KDM6A: variants seen among roughly 807,000 people sequenced by gnomAD.
KDM6A encodes the protein lysine-specific demethylase 6A.
In KDM6A, 11 loss-of-function variants were observed where a neutral mutation model predicts 117.6. The ratio of observed to expected loss-of-function variants is 0.09; its 90% CI spans 0.06 to 0.15. The LOEUF (loss-of-function observed/expected upper bound fraction) is 0.15, where lower values mean the gene tolerates loss of function less well. Ranked by LOEUF, KDM6A falls within the 10% of genes least tolerant of loss-of-function variation. The probability of loss-of-function intolerance (pLI) is 1.00; values close to 1 mark genes in which losing one functional copy is unlikely to be tolerated. For missense variants in KDM6A, 799 were observed against 1,077.3 expected (o/e 0.74, Z 3.62); for synonymous variants, 384 against 396.1 (o/e 0.97, Z 0.36).
At chrX:45,105,074 G>A (rs1316517540) in intron 27 of KDM6A, among the ~76,000 whole-genome samples, 1 of 111,734 alleles carries the variant, frequency 8.9e-6, no homozygotes, top group Non-Finnish European at 1.9e-5. Context: ...AAGGCTCTGT[G>A]TTTGGAAAAA....
rs748864581 is a variant in KDM6A at position 44,920,442 on chromosome X, TA to T, written c.226-40841del. 7.4e-3 allele frequency among the ~76,000 whole-genome samples: 805 copies of T among 108,433 alleles called. 4 individuals are homozygous for T. The highest frequency in any genetic ancestry group is 0.011 in the Non-Finnish European group (583 of 52,471). The allele number at this position is 108,433 out of a possible 115,157, so 94.2% of individuals were successfully genotyped here. On this transcript the variant is annotated intron_variant, in intron 2 of 29. Transcript: ENST00000611820. ...ATAATATATCTTTTTACTTTTATTT[TA>T]TTTTTTTTTTTTTGAGACGGAGTCT...
intron 3 of KDM6A, among the ~76,000 whole-genome samples, chrX:44,969,518 C>T (rs904039147): frequency 1.9e-5 from 2 of 103,708 alleles, no homozygotes; most frequent in Admixed American, 1.1e-4. Context: ...CCCGGGTTCA[C>T]GCCATTCTCC....
intron 2 of KDM6A, among the ~76,000 whole-genome samples, chrX:44,900,565 G>A (rs987525610): frequency 1.2e-4 from 13 of 111,764 alleles, no homozygotes; most frequent in Non-Finnish European, 2.4e-4. Context: ...TTCAATAATA[G>A]GGAGTTTCTC....
At chrX:44,988,277 C>G (rs896106111) in intron 4 of KDM6A, among the ~76,000 whole-genome samples, 4 of 111,409 alleles carry the variant, frequency 3.6e-5, no homozygotes, top group Non-Finnish European at 7.5e-5. Context: ...TTAAGGACTG[C>G]TCTGCATTGG....
At chrX:44,894,998 C>G (rs963535165) in intron 2 of KDM6A, among the ~76,000 whole-genome samples, 2 of 111,029 alleles carry the variant, frequency 1.8e-5, no homozygotes, top group African/African-American at 3.3e-5. Flanking sequence ...AACTCCTGAC[C>G]TCTGGTGATC....
At chrX:44,875,873 T>C (rs940611431) in intron 2 of KDM6A, among the ~76,000 whole-genome samples, 1 of 112,176 alleles carries the variant, frequency 8.9e-6, no homozygotes, top group Middle Eastern at 4.7e-3. Flanking sequence ...CATATTCATA[T>C]AGATTCACTG....
chrX:45,007,152 A>G (rs965596817), intron 4 of KDM6A, among the ~76,000 whole-genome samples: 4 of 111,656 alleles, frequency 3.6e-5, no homozygotes, highest in Non-Finnish European at 5.6e-5. Flanking sequence ...CCGGAGAGCC[A>G]AAGAATGACA....
chrX:44,896,264 A>G (rs914114407), intron 2 of KDM6A, among the ~76,000 whole-genome samples: 1 of 109,447 alleles, frequency 9.1e-6, no homozygotes, highest in Non-Finnish European at 1.9e-5. Context: ...TTTTTAGTAG[A>G]GACGGGGTTT....
chrX:45,006,063 G>A (rs1193550314), intron 4 of KDM6A, among the ~76,000 whole-genome samples: 1 of 92,926 alleles, frequency 1.1e-5, no homozygotes, highest in Non-Finnish European at 2.1e-5. Context: ...ATACTTTACC[G>A]GCTCCTGTGG....
intron 2 of KDM6A, among the ~76,000 whole-genome samples, chrX:44,894,624 T>A (rs1382638871): frequency 3.0e-5 from 3 of 101,672 alleles, no homozygotes; most frequent in Admixed American, 1.0e-4. Context: ...TTAATTAATT[T>A]TTTTTTTTTT....
intron 27 of KDM6A, among the ~76,000 whole-genome samples, chrX:45,103,517 A>G (rs1194834965): frequency 1.8e-5 from 2 of 111,895 alleles, no homozygotes; most frequent in Non-Finnish European, 3.8e-5. Context: ...GTCCTCATGT[A>G]TTGATTTATG....
At chrX:44,990,473 C>G (rs1012451034) in intron 4 of KDM6A, among the ~76,000 whole-genome samples, 87 of 109,926 alleles carry the variant, frequency 7.9e-4, no homozygotes, top group Non-Finnish European at 1.5e-3. Context: ...TCGCTTGAAC[C>G]CTGGAGGTGG....
rs1023501817 is a variant in KDM6A, at chrX:45,006,544, C to T, written c.385-4417C>T. Among the ~76,000 whole-genome samples the T allele has an allele frequency of 2.1e-4, 23 of 109,911 alleles. 1 individual carries two copies. Among genetic ancestry groups the T allele is most frequent in the African/African-American group, 6.3e-4 (19 of 29,995 alleles). ...ATTCCCCTCTTGGCTAGGGTTAGACCGCCCAGGCTAAACTAATTCCAATTG... is the reference window on the plus strand; with the variant it reads ...ATTCCCCTCTTGGCTAGGGTTAGACTGCCCAGGCTAAACTAATTCCAATTG... On this transcript the variant is annotated intron_variant, in intron 4 of 29. Transcript: ENST00000611820.
intron 27 of KDM6A, among the ~76,000 whole-genome samples, chrX:45,104,400 C>G (rs1428161653): frequency 8.9e-6 from 1 of 112,664 alleles, no homozygotes; most frequent in Non-Finnish European, 1.9e-5. Context: ...AAATGAGAAT[C>G]CTGATTTTGT....
At chrX:45,059,558 G>A in intron 12 of KDM6A, 92 bp downstream of exon 12, 1 of 600,089 alleles carries the variant, frequency 1.7e-6, no homozygotes. Context: ...GTCTAGTTGT[G>A]TTTTGATGTC....
chrX:44,877,009 G>A (rs1238280274), intron 2 of KDM6A, among the ~76,000 whole-genome samples: 1 of 111,494 alleles, frequency 9.0e-6, no homozygotes, highest in Non-Finnish European at 1.9e-5. Flanking sequence ...ATATACACAC[G>A]TATACGTGTA....
intron 2 of KDM6A, among the ~76,000 whole-genome samples, chrX:44,932,331 C>CA (rs1415053583): frequency 2.8e-5 from 3 of 108,472 alleles, no homozygotes; most frequent in African/African-American, 1.0e-4. Flanking sequence ...GGCCGGTCTT[C>CA]AACTCCTGAC....
chrX:45,111,263 C>T, intron 29 of KDM6A, 119 bp from the exon 30 acceptor site: 1 of 565,660 alleles, frequency 1.8e-6, no homozygotes, highest in Non-Finnish European at 3.1e-6. Flanking sequence ...TGTTGCATAG[C>T]AGGCTGTTGA....
At chrX:45,005,905 A>C in intron 4 of KDM6A, among the ~76,000 whole-genome samples, 2 of 99,339 alleles carry the variant, frequency 2.0e-5, no homozygotes, top group African/African-American at 3.7e-5. Context: ...GGCATGTCTC[A>C]CCTCTTTTTA....
Sources: allele counts gnomAD v4.1 joint callset (sites outside exome capture counted in the v4.1 genomes callset), GRCh38; gene constraint gnomAD v4.1.1; transcripts MANE v1.5; gene names NCBI Gene and HGNC (gene_info 2026-07-23, HGNC 2026-07-21).